IL17A: variants seen among roughly 807,000 people sequenced by gnomAD.
IL17A encodes interleukin 17A.
A neutral mutation model predicts 7.2 loss-of-function variants in IL17A; 1 was observed. That is an observed-to-expected ratio of 0.14 (90% CI 0.05 to 0.66). The LOEUF (loss-of-function observed/expected upper bound fraction) is 0.66, where lower values mean the gene tolerates loss of function less well. IL17A is among the 30% of genes least tolerant of loss of function. IL17A has a pLI of 0.84. For synonymous variants in IL17A, 90 were observed against 77.7 expected, an observed-to-expected ratio of 1.16 and a Z score of -0.83; for missense variants, 191 against 197.1, an observed-to-expected ratio of 0.97 and a Z score of 0.18.
In IL17A at chr6:52,189,314, C is replaced by G. The variant is rs983632478; in HGVS notation, c.*22C>G. ...CTAAGAGCTCTGGGGAGCCCACACT[C>G]CCCAAAGCAGTTAGACTATGGAGAG... On this transcript the variant is annotated 3_prime_UTR_variant, in exon 3 of 3. Coordinates refer to ENST00000648244, the MANE Select transcript of IL17A (RefSeq NM_002190.3). 12 of 1,588,774 alleles carry G rather than the reference C, an allele frequency of 7.6e-6. No individual in the cohort carries two copies. In the African/African-American group the frequency reaches 1.3e-4, roughly 18 times the overall value.
chr6:52,187,434 A>G (rs570423043), intron 1 of IL17A, among the ~76,000 whole-genome samples, 169 bp from the exon 2 acceptor site: 3 of 152,332 alleles, frequency 2.0e-5, no homozygotes, highest in Non-Finnish European at 4.4e-5. Context: ...TATGTTGGTC[A>G]TCTACCTAGA....
Position 52,189,258 on chromosome 6 carries a change from C to T in IL17A, c.434C>T (p.Thr145Ile), listed in dbSNP as rs1163763403. 1 of 1,614,118 alleles carries T rather than the reference C, an allele frequency of 6.2e-7. No homozygotes were observed. The highest frequency in any genetic ancestry group is 1.1e-5 in the South Asian group (1 of 91,078). ...LEKILVSVGC[T>I]CVTPIVHHVA is the part of the protein sequence containing the mutation. The stretch of plus-strand genomic sequence containing the variant: ...AAGATACTGGTGTCCGTGGGCTGCA[C>T]CTGTGTCACCCCGATTGTCCACCAT... Residue 145 changes from threonine (T) to isoleucine (I), a missense_variant, in exon 3 of 3, where the codon ACC becomes ATC. Physicochemically the swap from Thr to Ile is moderately conservative, Grantham distance 89. Transcript: ENST00000648244.
At chr6:52,187,533 T>C (rs1562345953) in intron 1 of IL17A, 70 bp from the exon 2 acceptor site, 1 of 1,199,066 alleles carries the variant, frequency 8.3e-7, no homozygotes. Context: ...ATCATCACAA[T>C]TAATTTGTCA....
At chr6:52,186,703 A>G (rs939041484) in intron 1 of IL17A, among the ~76,000 whole-genome samples, 1 of 152,250 alleles carries the variant, frequency 6.6e-6, no homozygotes, top group African/African-American at 2.4e-5. Flanking sequence ...CCACACAAGA[A>G]GTGTCACATG....
intron 1 of IL17A, 56 bp downstream of exon 1, chr6:52,186,514 T>G (rs554295086): frequency 6.4e-7 from 1 of 1,572,538 alleles, no homozygotes; most frequent in Non-Finnish European, 8.7e-7. Flanking sequence ...ATAGTATTTC[T>G]GGACCGTGGG....
At position 52,187,692 on chromosome 6, in the gene IL17A, G is replaced by T. The variant is rs1763308323; in HGVS notation, c.117G>T (p.Lys39Asn). 2 of 1,613,968 alleles carry T rather than the reference G, an allele frequency of 1.2e-6. No homozygotes were observed. Among genetic ancestry groups the T allele is most frequent in the Non-Finnish European group, 1.7e-6 (2 of 1,179,982 alleles). The change falls in exon 2 of 3, where the codon AAG becomes AAT. Residue 39 changes from lysine (K) to asparagine (N), a missense_variant. Lys to Asn is a moderately conservative substitution (Grantham distance 94). Transcript: ENST00000648244. ...RNPGCPNSED[K>N]NFPRTVMVNL... ...CAGGATGCCCAAATTCTGAGGACAAGAACTTCCCCCGGACTGTGATGGTCA... is the reference window on the plus strand; with the variant it reads ...CAGGATGCCCAAATTCTGAGGACAATAACTTCCCCCGGACTGTGATGGTCA...
Position 52,187,659 on chromosome 6 carries a change from A to T in IL17A, c.84A>T (p.Pro28=), listed in dbSNP as rs752967178. Residue 28 remains proline (P), a synonymous_variant, in exon 2 of 3, where the codon CCA becomes CCT. Coordinates refer to ENST00000648244, the MANE Select transcript of IL17A (RefSeq NM_002190.3). ...EAIVKAGITI[P]RNPGCPNSED... ...TAGTGAAGGCAGGAATCACAATCCC[A>T]CGAAATCCAGGATGCCCAAATTCTG... is the stretch of plus-strand genomic sequence containing the variant. 1 of 1,614,136 alleles carries T rather than the reference A, an allele frequency of 6.2e-7. No homozygotes were observed. Among genetic ancestry groups the T allele is most frequent in the South Asian group, 1.1e-5 (1 of 91,082 alleles).
chr6:52,187,847 C>T, intron 2 of IL17A, 42 bp downstream of exon 2: 1 of 1,473,258 alleles, frequency 6.8e-7, no homozygotes, highest in South Asian at 1.1e-5. Flanking sequence ...TTCTTCATCC[C>T]TCTTATGCAT....
chr6:52,189,824 T>C lies in IL17A; in HGVS notation c.*532T>C, dbSNP rs1763347659. On this transcript the variant is annotated 3_prime_UTR_variant, in exon 3 of 3. Coordinates refer to ENST00000648244, the MANE Select transcript of IL17A (RefSeq NM_002190.3). ...TGGCAGTGCAAAATTTCTGAGTCTT[T>C]ACAACATACGGATATAGTATTTCCT... The C allele has an allele frequency of 6.6e-6, 1 of 152,324 alleles. No individual in the cohort carries two copies. The highest frequency in any genetic ancestry group is 1.5e-5 in the Non-Finnish European group (1 of 68,130). 9.4% of individuals were successfully genotyped at this position (152,324 alleles called of 1,614,324 possible). A position where few individuals can be genotyped will look rare whatever the true frequency, so the allele number is the denominator to read the frequency against.
chr6:52,187,942 A>G, intron 2 of IL17A, 137 bp downstream of exon 2: 1 of 722,504 alleles, frequency 1.4e-6, no homozygotes, highest in East Asian at 2.7e-5. Flanking sequence ...GTGAAGAGCA[A>G]TTCTCAAACT....
At chr6:52,186,545 C>A in intron 1 of IL17A, 87 bp downstream of exon 1, 2 of 1,243,136 alleles carry the variant, frequency 1.6e-6, no homozygotes, top group Non-Finnish European at 2.3e-6. Flanking sequence ...TGGGTTCTGA[C>A]TATGGAGATC....
rs545983405 is a variant in IL17A at position 52,187,811 on chromosome 6, T to A, written c.230+6T>A. On this transcript the variant is annotated splice_donor_region_variant and intron_variant, in intron 2 of 2. Transcript: ENST00000648244. ...ACCTCACCTTGGAATCTCCAGTACG[T>A]AAAGCTTCCAGATAAAAATGCTATA... 8.1e-6 allele frequency: 13 copies of A among 1,609,806 alleles called. No individual in the cohort carries two copies. The highest frequency in any genetic ancestry group is 8.0e-5 in the African/African-American group (6 of 74,858).
intron 2 of IL17A, 60 bp downstream of exon 2, chr6:52,187,865 C>A: frequency 7.7e-7 from 1 of 1,305,796 alleles, no homozygotes; most frequent in Non-Finnish European, 1.1e-6. Flanking sequence ...CATCAGACTG[C>A]CAGTTAAATC....
intron 1 of IL17A, 139 bp from the exon 2 acceptor site, chr6:52,187,462 TGA>T: frequency 1.3e-6 from 1 of 741,956 alleles, no homozygotes; most frequent in Non-Finnish European, 2.3e-6. Context: ...CTAGCTGATC[TGA>T]AAAATGTAGT....
chr6:52,188,679 C>T (rs1763324352), intron 2 of IL17A, among the ~76,000 whole-genome samples: 1 of 152,104 alleles, frequency 6.6e-6, no homozygotes, highest in Non-Finnish European at 1.5e-5. Flanking sequence ...GTCAAATAAA[C>T]AGCTATCTTA....
chr6:52,188,399 A>T (rs3804513), intron 2 of IL17A, among the ~76,000 whole-genome samples: 3,830 of 152,270 alleles, frequency 0.025, 94 homozygotes, highest in East Asian at 0.12. Flanking sequence ...ATTTGACTTC[A>T]TACAAATAAG....
rs1191322787 is a variant in IL17A at position 52,187,630 on chromosome 6, G to A, written c.55G>A (p.Ala19Thr). The change falls in exon 2 of 3, where the codon GCC becomes ACC. Residue 19 changes from alanine (A) to threonine (T), a missense_variant. Physicochemically the swap from Ala to Thr is moderately conservative, Grantham distance 58 (BLOSUM62 0). Transcript: ENST00000648244. ...VSLLLLLSLEAIVKAGITIPR... is the reference protein window; with the variant it reads ...VSLLLLLSLETIVKAGITIPR... ...ACTGCTACTGCTGCTGAGCCTGGAG[G>A]CCATAGTGAAGGCAGGAATCACAAT... 4 of 1,613,904 alleles carry A rather than the reference G, an allele frequency of 2.5e-6. No homozygotes were observed. The highest frequency in any genetic ancestry group is 2.2e-5 in the East Asian group (1 of 44,892).
At chr6:52,186,541 C>A in intron 1 of IL17A, 83 bp downstream of exon 1, 1 of 1,315,376 alleles carries the variant, frequency 7.6e-7, no homozygotes, top group South Asian at 1.2e-5. Flanking sequence ...ACGCTGGGTT[C>A]TGACTATGGA....
chr6:52,187,770 T>TTAC lies in IL17A; in HGVS notation c.199_201dup (p.Tyr67dup). 4 of 1,614,080 alleles carry TTAC rather than the reference T, an allele frequency of 2.5e-6. No homozygotes were observed. Among genetic ancestry groups the TTAC allele is most frequent in the Non-Finnish European group, 3.4e-6 (4 of 1,179,964 alleles). On this transcript the variant is annotated inframe_insertion, in exon 2 of 3. Coordinates refer to ENST00000648244, the MANE Select transcript of IL17A (RefSeq NM_002190.3). ...ATACCAATCCCAAAAGGTCCTCAGA[T>TTAC]TACTACAACCGATCCACCTCACCTT...
Sources: allele counts gnomAD v4.1 joint callset (sites outside exome capture counted in the v4.1 genomes callset), GRCh38; gene constraint gnomAD v4.1.1; transcripts MANE v1.5; gene names NCBI Gene and HGNC (gene_info 2026-07-23, HGNC 2026-07-21).